Variants in KAZN observed in about 807,000 individuals in gnomAD.
The protein encoded by KAZN is kazrin.
In KAZN, 40 loss-of-function variants were observed where a neutral mutation model predicts 87.4. The ratio of observed to expected loss-of-function variants is 0.46; its 90% CI spans 0.36 to 0.60. The LOEUF (loss-of-function observed/expected upper bound fraction) is 0.60. KAZN is among the 20% of genes least tolerant of loss of function. The probability of loss-of-function intolerance (pLI) is 0.00; values close to 1 mark genes in which losing one functional copy is unlikely to be tolerated. For missense variants in KAZN, 898 were observed against 1,073.9 expected (o/e 0.84, Z 2.29); for synonymous variants, 466 against 458.3 (o/e 1.02, Z -0.22).
chr1:14,031,017 G>T (rs180857363), intron 1 of KAZN, among the ~76,000 whole-genome samples: 1 of 151,964 alleles, frequency 6.6e-6, no homozygotes, highest in Non-Finnish European at 1.5e-5. Flanking sequence ...TTGTGCCCAC[G>T]GTTTCTCCTG....
In KAZN at chr1:15,094,899, A is replaced by G. The variant is rs535910373; in HGVS notation, c.1513A>G (p.Ile505Val). The G allele has an allele frequency of 1.3e-6, 2 of 1,550,598 alleles. No homozygotes were observed. The highest frequency in any genetic ancestry group is 1.7e-6 in the Non-Finnish European group (2 of 1,146,744). ...SLHRRKLRLA[I>V]EDYRDAEAGR... Reference sequence around the variant, plus strand: ...GCACCGGCGCAAGCTGCGCCTGGCCATCGAGGACTACCGTGATGCCGAGGC... The same window carrying G: ...GCACCGGCGCAAGCTGCGCCTGGCCGTCGAGGACTACCGTGATGCCGAGGC... Residue 505 changes from isoleucine to valine, a missense_variant, in exon 10 of 15, where the codon ATC becomes GTC. Coordinates refer to ENST00000376030, the MANE Select transcript of KAZN (RefSeq NM_201628.3). The surrounding 1 kb of genome is among the most constrained non-coding windows in gnomAD (Gnocchi z 4.5).
At chr1:15,014,727 C>T (rs1235065146) in intron 2 of KAZN, among the ~76,000 whole-genome samples, 1 of 152,196 alleles carries the variant, frequency 6.6e-6, no homozygotes, top group Non-Finnish European at 1.5e-5. Context: ...TAGCTGAAAG[C>T]TGCAGGCAAT....
At position 15,044,225 on chromosome 1, in the gene KAZN, G is replaced by A. The variant is rs1292804986; in HGVS notation, c.726+66G>A. The A allele has an allele frequency of 1.9e-5, 23 of 1,180,752 alleles. No individual in the cohort carries two copies. In the East Asian group the frequency reaches 3.2e-4, roughly 16 times the overall value. The allele number at this position is 1,180,752 out of a possible 1,614,324, so 73.1% of individuals were successfully genotyped here. A position where few individuals can be genotyped will look rare whatever the true frequency, so the allele number is the denominator to read the frequency against. ...GCAGTGCCGTGCTGGGAGCCGGGAC[G>A]TCTGGCACCGACTCACATCGGAGAC... is the stretch of plus-strand genomic sequence containing the variant. On this transcript the variant is annotated intron_variant, in intron 4 of 14. Coordinates refer to ENST00000376030, the MANE Select transcript of KAZN (RefSeq NM_201628.3).
At chr1:15,068,068 T>A in intron 8 of KAZN, 5 of 876,884 alleles carry the variant, frequency 5.7e-6, no homozygotes, top group Non-Finnish European at 6.8e-6. Flanking sequence ...AAAATAACCT[T>A]TCCCGTGGGA....
At chr1:14,800,839 T>G (rs1387750773) in intron 1 of KAZN, among the ~76,000 whole-genome samples, 1 of 152,086 alleles carries the variant, frequency 6.6e-6, no homozygotes, top group Non-Finnish European at 1.5e-5. Flanking sequence ...GTCTGTACAT[T>G]AGGAAGACAG....
chr1:14,282,988 G>A (rs1652965032), intron 2 of KAZN, among the ~76,000 whole-genome samples: 1 of 152,210 alleles, frequency 6.6e-6, no homozygotes. Context: ...AATGAGGTCA[G>A]ACAAATGAGT....
intron 2 of KAZN, among the ~76,000 whole-genome samples, chr1:14,431,445 G>T (rs1666065081): frequency 6.6e-6 from 1 of 152,190 alleles, no homozygotes. Context: ...CAGATAATGG[G>T]GACCTGTGAT....
rs35245453 is a variant in KAZN, at chr1:15,007,056, C to CAA, written c.419-27673_419-27672dup. ...TGGGTGACAGAGCAAGACTCCGTCT[C>CAA]AAAAAAAAAAAAAAAAAAAAAGAAA... On this transcript the variant is annotated intron_variant, in intron 2 of 14. Transcript: ENST00000376030. Among the ~76,000 whole-genome samples the CAA allele has an allele frequency of 8.6e-3, 573 of 66,780 alleles. 12 individuals are homozygous for CAA. Among genetic ancestry groups the CAA allele is most frequent in the African/African-American group, 0.021 (362 of 16,844 alleles). The allele number at this position is 66,780 out of a possible 152,430, so 43.8% of individuals were successfully genotyped here. A position where few individuals can be genotyped will look rare whatever the true frequency, so the allele number is the denominator to read the frequency against.
intron 1 of KAZN, among the ~76,000 whole-genome samples, chr1:13,897,008 A>ATG: frequency 6.6e-6 from 1 of 152,310 alleles, no homozygotes; most frequent in Non-Finnish European, 1.5e-5. Flanking sequence ...TGGGAAGAGC[A>ATG]TGTGGTTCTT....
chr1:14,883,401 A>AAGAAAGAAAGAAAGAAAGAAAG (rs1653680528), intron 1 of KAZN, among the ~76,000 whole-genome samples: 5 of 143,812 alleles, frequency 3.5e-5, no homozygotes, highest in African/African-American at 1.4e-4. Context: ...GAAAGAAAGA[A>AAGAAAGAAAGAAAGAAAGAAAG]AGAAAGAAAG....
intron 1 of KAZN, among the ~76,000 whole-genome samples, chr1:14,096,641 G>A (rs146972808): frequency 6.6e-6 from 1 of 152,318 alleles, no homozygotes. Context: ...TTATTTCTCA[G>A]AACAACCCTC....
chr1:14,333,777 TGG>T (rs1657019486), intron 2 of KAZN, among the ~76,000 whole-genome samples: 1 of 151,772 alleles, frequency 6.6e-6, no homozygotes, highest in Admixed American at 6.6e-5. Flanking sequence ...AGTGAGGTGG[TGG>T]GATTTGAACA....
rs148372048 is a variant in KAZN at position 15,039,835 on chromosome 1, C to T, written c.556-4154C>T. On this transcript the variant is annotated intron_variant, in intron 3 of 14. Coordinates refer to ENST00000376030, the MANE Select transcript of KAZN (RefSeq NM_201628.3). ...TGGGGTTGACGCTACTCAATAGAAGCCTTGTGGCTATGACTGCCGGGGGCA... is the reference window on the plus strand; with the variant it reads ...TGGGGTTGACGCTACTCAATAGAAGTCTTGTGGCTATGACTGCCGGGGGCA... Among the ~76,000 whole-genome samples the T allele has an allele frequency of 5.4e-3, 824 of 152,314 alleles. 3 individuals carry two copies. The highest frequency in any genetic ancestry group is 0.02 in the Middle Eastern group (6 of 294).
intron 2 of KAZN, among the ~76,000 whole-genome samples, chr1:14,363,859 A>G (rs1037600010): frequency 2.0e-5 from 3 of 152,260 alleles, no homozygotes; most frequent in South Asian, 2.1e-4. Context: ...CGGTCAAATA[A>G]TTTGGGGAAC....
chr1:14,586,525 G>GATT (rs1675857060), intron 2 of KAZN, among the ~76,000 whole-genome samples: 1 of 125,230 alleles, frequency 8.0e-6, no homozygotes, highest in East Asian at 2.3e-4. Context: ...TTTCTTTCTG[G>GATT]TTTTTTTTTT....
chr1:15,012,206 C>T (rs2102089322), intron 2 of KAZN, among the ~76,000 whole-genome samples: 1 of 152,268 alleles, frequency 6.6e-6, no homozygotes, highest in East Asian at 1.9e-4. Context: ...ACTCTACTCA[C>T]ACCCCAGGAC....
intron 2 of KAZN, among the ~76,000 whole-genome samples, chr1:14,243,696 C>T (rs72644430): frequency 0.039 from 5,931 of 152,242 alleles, 178 homozygotes; most frequent in East Asian, 0.098. Flanking sequence ...AATTTGCCTG[C>T]TCTATGAAAC....
At chr1:14,230,067 A>G (rs1405113479) in intron 2 of KAZN, among the ~76,000 whole-genome samples, 1 of 152,252 alleles carries the variant, frequency 6.6e-6, no homozygotes, top group Non-Finnish European at 1.5e-5. Context: ...GGTATTGAAC[A>G]CTAGAAATGT....
At chr1:14,013,150 T>C (rs185796183) in intron 1 of KAZN, among the ~76,000 whole-genome samples, 3 of 152,314 alleles carry the variant, frequency 2.0e-5, no homozygotes, top group Non-Finnish European at 4.4e-5. Flanking sequence ...CAATGTTTTC[T>C]CTAATGATGT....
Sources: gnomAD v4.1 joint callset for allele counts (sites outside exome capture counted in the v4.1 genomes callset) on GRCh38, gnomAD v4.1.1 for gene constraint, Gnocchi (gnomAD v3.1) non-coding constraint, MANE v1.5 for transcripts, NCBI Gene and HGNC (gene_info 2026-07-23, HGNC 2026-07-21) for gene names.